The following ARB2A variants were observed in gnomAD, a reference collection of about 807,000 sequenced individuals.
ARB2A encodes the protein ARB2 cotranscriptional regulator A, also known as cotranscriptional regulator ARB2A.
chr5:93,641,300 A>G, the ARB2A span, among the ~76,000 whole-genome samples: 8 of 152,174 alleles, frequency 5.3e-5, no homozygotes, highest in African/African-American at 1.9e-4. Context: ...AAAGTAGAAA[A>G]GGATGGGAAT....
the ARB2A span, among the ~76,000 whole-genome samples, chr5:94,054,731 A>G: frequency 2.6e-5 from 4 of 152,188 alleles, no homozygotes; most frequent in Non-Finnish European, 5.9e-5. Context: ...AAGAACACCT[A>G]AATATATTAT....
At chr5:93,819,768 G>A in the ARB2A span, among the ~76,000 whole-genome samples, 2 of 152,190 alleles carry the variant, frequency 1.3e-5, no homozygotes, top group East Asian at 3.9e-4. Context: ...AATCTGCTGA[G>A]AGTAGAGAGA....
the ARB2A span, chr5:93,861,773 C>T: frequency 1.1e-4 from 17 of 152,170 alleles, no homozygotes; most frequent in Admixed American, 1.1e-3. Context: ...TATATTTAGT[C>T]ACATACATGA....
chr5:94,010,728 T>C, the ARB2A span, among the ~76,000 whole-genome samples: 5 of 152,114 alleles, frequency 3.3e-5, no homozygotes, highest in Non-Finnish European at 7.4e-5. Context: ...CCTGTTATAT[T>C]ATTATACTAA....
chr5:93,853,296 T>C, the ARB2A span, among the ~76,000 whole-genome samples: 34 of 152,304 alleles, frequency 2.2e-4, no homozygotes, highest in Admixed American at 5.2e-4. Flanking sequence ...GTGATTTTTG[T>C]ACATTGATTT....
chr5:93,634,291 T>C, the ARB2A span, among the ~76,000 whole-genome samples: 2 of 151,632 alleles, frequency 1.3e-5, no homozygotes, highest in African/African-American at 4.8e-5. Context: ...TCCCAGCTAC[T>C]TGGGAGGCTG....
chr5:93,621,955 A>G, the ARB2A span, among the ~76,000 whole-genome samples: 1 of 152,178 alleles, frequency 6.6e-6, no homozygotes, highest in South Asian at 2.1e-4. Context: ...TTAGTTGTCA[A>G]TTTATGGGGT....
chr5:93,668,564 T>C, the ARB2A span, among the ~76,000 whole-genome samples: 2 of 152,176 alleles, frequency 1.3e-5, no homozygotes, highest in Non-Finnish European at 2.9e-5. Context: ...TCAGAAGCTT[T>C]CCAAATTACC....
the ARB2A span, among the ~76,000 whole-genome samples, chr5:93,907,894 C>A: frequency 2.6e-5 from 4 of 151,142 alleles, no homozygotes; most frequent in African/African-American, 7.3e-5. Context: ...TCAAAAATTT[C>A]TTTAGTAGGA....
At chr5:93,943,799 T>C in the ARB2A span, among the ~76,000 whole-genome samples, 1 of 152,126 alleles carries the variant, frequency 6.6e-6, no homozygotes, top group Non-Finnish European at 1.5e-5. Flanking sequence ...AATGGCTCCA[T>C]GCTGTGAAAA....
At chr5:93,618,524 A>G in the ARB2A span, 11 of 145,916 alleles carry the variant, frequency 7.5e-5, no homozygotes, top group South Asian at 2.1e-3. Context: ...GTCCTCATGC[A>G]GGTGGGCTAC....
the ARB2A span, among the ~76,000 whole-genome samples, chr5:93,645,249 C>A: frequency 2.6e-5 from 4 of 152,214 alleles, no homozygotes; most frequent in South Asian, 8.3e-4. Flanking sequence ...TTGAAATATG[C>A]TAAACTCTAA....
the ARB2A span, among the ~76,000 whole-genome samples, chr5:93,957,653 A>C: frequency 6.6e-6 from 1 of 152,044 alleles, no homozygotes; most frequent in African/African-American, 2.4e-5. Flanking sequence ...AAAAACATAT[A>C]GTTAACCTAA....
the ARB2A span, among the ~76,000 whole-genome samples, chr5:93,820,862 T>C: frequency 6.6e-6 from 1 of 152,162 alleles, no homozygotes. Context: ...AATTGGAAAT[T>C]TGAGTTGTTA....
the ARB2A span, chr5:94,055,920 A>G: frequency 1.0e-6 from 1 of 985,028 alleles, no homozygotes; most frequent in African/African-American, 1.7e-5. Context: ...ATGCAGCCTT[A>G]CATCTATATA....
the ARB2A span, among the ~76,000 whole-genome samples, chr5:93,798,981 A>T: frequency 6.6e-6 from 1 of 152,104 alleles, no homozygotes; most frequent in South Asian, 2.1e-4. Flanking sequence ...TTTCTGATCA[A>T]TTTGGCAGGT....
the ARB2A span, among the ~76,000 whole-genome samples, chr5:93,973,296 G>T: frequency 6.6e-6 from 1 of 151,406 alleles, no homozygotes; most frequent in Admixed American, 6.6e-5. Context: ...CTTAACAACA[G>T]AATACATCAA....
chr5:93,651,757 G>C, the ARB2A span, among the ~76,000 whole-genome samples: 1 of 151,986 alleles, frequency 6.6e-6, no homozygotes, highest in Non-Finnish European at 1.5e-5. Context: ...AATGCATATG[G>C]ATGTAAGAGA....
At chr5:94,014,770 G>C in the ARB2A span, among the ~76,000 whole-genome samples, 1 of 151,212 alleles carries the variant, frequency 6.6e-6, no homozygotes, top group African/African-American at 2.4e-5. Context: ...CTCATTAGGG[G>C]CTATCAACAG....
Sources: allele counts gnomAD v4.1 joint callset (sites outside exome capture counted in the v4.1 genomes callset), GRCh38; gene constraint gnomAD v4.1.1; transcripts MANE v1.5; gene names NCBI Gene and HGNC (gene_info 2026-07-23, HGNC 2026-07-21).